The following DAB1 variants were observed in gnomAD, a reference collection of about 807,000 sequenced individuals.
DAB1 encodes disabled homolog 1.
In DAB1, 15 loss-of-function variants were observed where a neutral mutation model predicts 64.6. The ratio of observed to expected loss-of-function variants is 0.23; its 90% confidence interval spans 0.16 to 0.36. The LOEUF is 0.36. DAB1 is among the 10% of genes least tolerant of loss of function. The probability of loss-of-function intolerance (pLI) is 1.00; values close to 1 mark genes in which losing one functional copy is unlikely to be tolerated. For synonymous variants in DAB1, 235 were observed against 251.9 expected, an observed-to-expected ratio of 0.93 and a Z score of 0.64; for missense variants, 596 against 706.7, an observed-to-expected ratio of 0.84 and a Z score of 1.78.
At chr1:57,571,129 TATCATCATGTC>T (rs1489110071) in intron 7 of DAB1, among the ~76,000 whole-genome samples, 1 of 152,188 alleles carries the variant, frequency 6.6e-6, no homozygotes, top group Non-Finnish European at 1.5e-5. Flanking sequence ...TTTCTAGGTA[TATCATCATGTC>T]ATCAGAAAAG....
intron 6 of DAB1, among the ~76,000 whole-genome samples, chr1:57,788,952 G>A (rs1435439426): frequency 6.6e-6 from 1 of 152,108 alleles, no homozygotes; most frequent in Non-Finnish European, 1.5e-5. Flanking sequence ...AACTGACTTT[G>A]CTGTCATCTC....
intron 7 of DAB1, among the ~76,000 whole-genome samples, chr1:57,432,255 T>C (rs528322021): frequency 6.6e-6 from 1 of 152,340 alleles, no homozygotes; most frequent in East Asian, 1.9e-4. Context: ...ATATGTGTTG[T>C]CTGCCTCTCT....
intron 7 of DAB1, among the ~76,000 whole-genome samples, chr1:57,569,964 C>T (rs752381003): frequency 2.6e-5 from 4 of 152,152 alleles, no homozygotes; most frequent in Non-Finnish European, 5.9e-5. Flanking sequence ...TATGTATGAT[C>T]TCAGGAGATG....
intron 2 of DAB1, among the ~76,000 whole-genome samples, chr1:57,159,237 A>C (rs1660514176): frequency 6.6e-6 from 1 of 152,094 alleles, no homozygotes; most frequent in Admixed American, 6.6e-5. Flanking sequence ...ACTGTAGGAC[A>C]TTATTAATAA....
intron 5 of DAB1, among the ~76,000 whole-genome samples, chr1:58,033,873 C>T (rs1334778971): frequency 6.6e-6 from 1 of 152,054 alleles, no homozygotes; most frequent in East Asian, 1.9e-4. Flanking sequence ...GGACACATAG[C>T]CACCCTGATT....
intron 6 of DAB1, among the ~76,000 whole-genome samples, chr1:57,655,715 C>A (rs1646310623): frequency 6.6e-6 from 1 of 152,096 alleles, no homozygotes; most frequent in African/African-American, 2.4e-5. Flanking sequence ...ACGTTAGTGG[C>A]TGAAATAATA....
intron 6 of DAB1, among the ~76,000 whole-genome samples, chr1:57,762,469 T>C (rs1649131049): frequency 2.0e-5 from 3 of 152,122 alleles, no homozygotes; most frequent in Admixed American, 6.6e-5. Context: ...GGAGGCAATG[T>C]AAGGTTAACA....
intron 4 of DAB1, among the ~76,000 whole-genome samples, chr1:57,124,967 T>C (rs1657001978): frequency 1.3e-5 from 2 of 150,568 alleles, no homozygotes; most frequent in Admixed American, 1.3e-4. Flanking sequence ...CCTCATGTTC[T>C]TTGCTTTGTG....
At chr1:58,114,239 G>C (rs1233773522) in intron 5 of DAB1, among the ~76,000 whole-genome samples, 2 of 152,112 alleles carry the variant, frequency 1.3e-5, no homozygotes, top group African/African-American at 4.8e-5. Flanking sequence ...TACAGCCTGG[G>C]CAACAGAGAG....
At chr1:57,411,958 C>A (rs186196734) in intron 1 of DAB1, among the ~76,000 whole-genome samples, 52 of 152,356 alleles carry the variant, frequency 3.4e-4, no homozygotes, top group Non-Finnish European at 6.9e-4. Context: ...AGCAACCCTG[C>A]ATCAAACAAG....
chr1:57,633,323 C>T (rs550233423), intron 7 of DAB1, among the ~76,000 whole-genome samples: 58 of 152,366 alleles, frequency 3.8e-4, no homozygotes, highest in African/African-American at 1.3e-3. Context: ...GGGCTGGCCT[C>T]ACTCCCAGGG....
Position 57,152,277 on chromosome 1 carries a change from C to T in DAB1, c.68-6848G>A, listed in dbSNP as rs74889373. Among the ~76,000 whole-genome samples, 4 of 152,332 alleles carry T rather than the reference C, an allele frequency of 2.6e-5. No individual in the cohort carries two copies. In the East Asian group the frequency reaches 7.7e-4, roughly 29 times the overall value. On this transcript the variant is annotated intron_variant, in intron 2 of 14. Coordinates refer to ENST00000371236, the MANE Select transcript of DAB1 (RefSeq NM_001365792.1). Reference sequence around the variant, plus strand: ...CTTTCCTACTTGGCTCAGAGGAAAGCAATCCTGTATCGAATGGTTTGAAGA... The same window carrying T: ...CTTTCCTACTTGGCTCAGAGGAAAGTAATCCTGTATCGAATGGTTTGAAGA...
At chr1:57,945,088 A>G (rs1410018244) in intron 5 of DAB1, among the ~76,000 whole-genome samples, 3 of 152,142 alleles carry the variant, frequency 2.0e-5, no homozygotes. Context: ...CACCTTTCTG[A>G]CAACTCTGGA....
At chr1:57,725,709 G>A (rs543415051) in intron 6 of DAB1, among the ~76,000 whole-genome samples, 3 of 152,128 alleles carry the variant, frequency 2.0e-5, no homozygotes, top group East Asian at 1.9e-4. Context: ...TTAGAGAACA[G>A]GCTTAATACA....
At chr1:58,034,254 G>A (rs967329570) in intron 5 of DAB1, among the ~76,000 whole-genome samples, 7 of 152,164 alleles carry the variant, frequency 4.6e-5, no homozygotes, top group African/African-American at 1.7e-4. Context: ...AAGAACTGAG[G>A]GAAACCTCTA....
intron 4 of DAB1, among the ~76,000 whole-genome samples, chr1:58,200,963 T>C (rs1435158064): frequency 6.6e-6 from 1 of 152,156 alleles, no homozygotes; most frequent in Non-Finnish European, 1.5e-5. Context: ...ACTAGAGGTA[T>C]GGACTTCCTC....
At chr1:57,304,950 C>G (rs962744519) in intron 1 of DAB1, among the ~76,000 whole-genome samples, 1 of 152,188 alleles carries the variant, frequency 6.6e-6, no homozygotes, top group Non-Finnish European at 1.5e-5. Context: ...ATGTGAAAAA[C>G]AAGCTATAAG....
intron 5 of DAB1, chr1:58,056,335 G>A (rs767063260): frequency 3.1e-5 from 49 of 1,573,996 alleles, no homozygotes; most frequent in Non-Finnish European, 3.9e-5. Context: ...GTCCCTGACT[G>A]CTGCGGCCTT....
At chr1:57,699,337 C>T (rs1370322925) in intron 6 of DAB1, among the ~76,000 whole-genome samples, 2 of 152,260 alleles carry the variant, frequency 1.3e-5, no homozygotes, top group African/African-American at 4.8e-5. Context: ...TATAATTAAG[C>T]AATTGAGAGA....
Sources: gnomAD v4.1 joint callset for allele counts (sites outside exome capture counted in the v4.1 genomes callset) on GRCh38, gnomAD v4.1.1 for gene constraint, MANE v1.5 for transcripts, NCBI Gene and HGNC (gene_info 2026-07-23, HGNC 2026-07-21) for gene names.